SIMC1: variants seen among roughly 807,000 people sequenced by gnomAD.
SIMC1 encodes SUMO interacting motifs containing 1, also known as SUMO-interacting motif-containing protein 1.
Under a neutral mutation model 82.3 loss-of-function variants are expected in SIMC1, and 55 were observed. The observed-to-expected ratio is 0.67, with a 90% CI of 0.54 to 0.84. The LOEUF (loss-of-function observed/expected upper bound fraction) is 0.84. Among genes scored for constraint, SIMC1 ranks in the 40% least tolerant of loss-of-function variants. The pLI, the probability that SIMC1 is intolerant of heterozygous loss-of-function variation, is 0.00. For missense variants in SIMC1, 915 were observed against 1,107.2 expected (o/e 0.83, Z 2.46); for synonymous variants, 353 against 426.3 (o/e 0.83, Z 2.12).
intron 4 of SIMC1, chr5:176,308,297 A>T: frequency 6.8e-7 from 1 of 1,466,140 alleles, no homozygotes; most frequent in Non-Finnish European, 9.5e-7. Context: ...TTCTGTCATC[A>T]TCTTAACGAC....
intron 1 of SIMC1, among the ~76,000 whole-genome samples, chr5:176,248,039 G>T (rs1761508091): frequency 6.6e-6 from 1 of 151,868 alleles, no homozygotes; most frequent in South Asian, 2.1e-4. Context: ...CTCAGGTAGT[G>T]TGATGCCTCC....
chr5:176,324,956 G>A (rs1293445575), intron 7 of SIMC1, among the ~76,000 whole-genome samples, 199 bp downstream of exon 7: 1 of 152,156 alleles, frequency 6.6e-6, no homozygotes, highest in African/African-American at 2.4e-5. Context: ...TTTTGGAAAG[G>A]AGGTTCTCAA....
At chr5:176,341,555 G>T (rs1290091924) in intron 9 of SIMC1, among the ~76,000 whole-genome samples, 2 of 152,200 alleles carry the variant, frequency 1.3e-5, no homozygotes, top group African/African-American at 4.8e-5. Context: ...TGGTGACAAG[G>T]GTGTGGCAAG....
chr5:176,284,153 C>T (rs1426949270), intron 1 of SIMC1, among the ~76,000 whole-genome samples: 1 of 152,180 alleles, frequency 6.6e-6, no homozygotes, highest in Non-Finnish European at 1.5e-5. Flanking sequence ...AGGAATTGAA[C>T]TCAGCTCTGT....
chr5:176,255,460 G>A (rs1338503996), intron 1 of SIMC1, among the ~76,000 whole-genome samples: 3 of 151,532 alleles, frequency 2.0e-5, no homozygotes, highest in Admixed American at 6.6e-5. Context: ...GCGCACATTC[G>A]TAACCCCAGC....
intron 9 of SIMC1, among the ~76,000 whole-genome samples, chr5:176,341,768 A>T (rs1160741135): frequency 1.3e-5 from 2 of 152,204 alleles, no homozygotes; most frequent in African/African-American, 2.4e-5. Context: ...GATGATGATG[A>T]TGATGATGAT....
At chr5:176,261,474 G>A (rs1269034961) in intron 1 of SIMC1, among the ~76,000 whole-genome samples, 2 of 152,090 alleles carry the variant, frequency 1.3e-5, no homozygotes, top group Non-Finnish European at 2.9e-5. Context: ...TGGGCACGGT[G>A]GCTCACACCT....
intron 3 of SIMC1, 95 bp from the exon 4 acceptor site, chr5:176,296,156 G>T (rs1459973305): frequency 6.3e-7 from 1 of 1,594,240 alleles, no homozygotes; most frequent in Non-Finnish European, 8.6e-7. Flanking sequence ...GATAATGGAG[G>T]ATAGGAAGAG....
At chr5:176,297,502 CAAAAAAA>C (rs896827211) in intron 4 of SIMC1, among the ~76,000 whole-genome samples, 1 of 35,932 alleles carries the variant, frequency 2.8e-5, no homozygotes, top group African/African-American at 9.8e-5. Context: ...AACTCTGTCT[CAAAAAAA>C]AAAAAAAAAA....
intron 7 of SIMC1, among the ~76,000 whole-genome samples, chr5:176,329,496 T>TAAAAAAA (rs60571584): frequency 7.9e-6 from 1 of 126,564 alleles, no homozygotes; most frequent in African/African-American, 3.0e-5. Flanking sequence ...ACTCCCTCTT[T>TAAAAAAA]AAAAAAAAAA....
chr5:176,284,781 C>G (rs970628418), intron 1 of SIMC1, among the ~76,000 whole-genome samples: 12 of 152,004 alleles, frequency 7.9e-5, no homozygotes, highest in Non-Finnish European at 2.9e-5. Flanking sequence ...CACCACCGAT[C>G]CCACAGAAAT....
At chr5:176,272,198 A>AAAAAAAG (rs1762471342) in intron 1 of SIMC1, among the ~76,000 whole-genome samples, 1 of 116,860 alleles carries the variant, frequency 8.6e-6, no homozygotes, top group African/African-American at 3.0e-5. Context: ...AAAAAAAAAA[A>AAAAAAAG]GGTGGGCATG....
intron 9 of SIMC1, among the ~76,000 whole-genome samples, chr5:176,340,616 T>C (rs1003233296): frequency 2.0e-5 from 3 of 152,278 alleles, no homozygotes; most frequent in African/African-American, 7.2e-5. Context: ...GCAACAGATA[T>C]CTACTGAATG....
At position 176,296,196 on chromosome 5, in the gene SIMC1, A is replaced by G. The variant is rs532210523; in HGVS notation, c.1665-55A>G. 7 of 1,597,770 alleles carry G rather than the reference A, an allele frequency of 4.4e-6. No individual in the cohort carries two copies. The East Asian group carries it at 9.0e-5, about 21-fold the overall frequency. The stretch of plus-strand genomic sequence containing the variant: ...CTTCCTTCTATCACCTTCAGATCCT[A>G]TCCCTTCTTCCGCTAAATTCTCCAT... On this transcript the variant is annotated intron_variant, in intron 3 of 9. Coordinates refer to ENST00000429602, the MANE Select transcript of SIMC1 (RefSeq NM_001308195.2).
chr5:176,317,694 C>T lies in SIMC1; in HGVS notation c.1889+3849C>T, dbSNP rs150435171. 1.3e-3 allele frequency among the ~76,000 whole-genome samples: 203 copies of T among 152,184 alleles called. 1 individual carries two copies. The highest frequency in any genetic ancestry group is 4.6e-3 in the African/African-American group (191 of 41,510). On this transcript the variant is annotated intron_variant, in intron 5 of 9. Coordinates refer to ENST00000429602, the MANE Select transcript of SIMC1 (RefSeq NM_001308195.2). ...GTCAGAATTTTACTAAGTACTAAAC[C>T]GTGATTGCTTTTCCTTTCATTCATA...
intron 1 of SIMC1, among the ~76,000 whole-genome samples, chr5:176,273,398 CAG>C (rs1384969595): frequency 6.6e-6 from 1 of 152,136 alleles, no homozygotes; most frequent in Non-Finnish European, 1.5e-5. Flanking sequence ...AACTAACAAA[CAG>C]AAAGGACATT....
At chr5:176,308,556 G>A in intron 4 of SIMC1, 3 of 1,596,900 alleles carry the variant, frequency 1.9e-6, no homozygotes, top group Non-Finnish European at 2.6e-6. Flanking sequence ...GAACACAAGG[G>A]CTGGCCGGGT....
At chr5:176,315,886 A>G (rs1166393711) in intron 5 of SIMC1, among the ~76,000 whole-genome samples, 1 of 152,194 alleles carries the variant, frequency 6.6e-6, no homozygotes, top group Non-Finnish European at 1.5e-5. Context: ...TTTTAAAGCA[A>G]AAAATTGGCC....
At chr5:176,243,034 A>G (rs1000781407) in intron 1 of SIMC1, among the ~76,000 whole-genome samples, 9 of 152,084 alleles carry the variant, frequency 5.9e-5, no homozygotes, top group Middle Eastern at 3.2e-3. Context: ...CATTTATTCA[A>G]TAAATATTTA....
Sources: gnomAD v4.1 joint callset for allele counts (sites outside exome capture counted in the v4.1 genomes callset) on GRCh38, gnomAD v4.1.1 for gene constraint, MANE v1.5 for transcripts, NCBI Gene and HGNC (gene_info 2026-07-23, HGNC 2026-07-21) for gene names.